The following DLG2 variants were observed in gnomAD, a reference collection of about 807,000 sequenced individuals.
DLG2 encodes discs large MAGUK scaffold protein 2.
In DLG2, 45 loss-of-function variants were observed where a neutral mutation model predicts 132.5. The observed-to-expected ratio is 0.34, with a 90% confidence interval of 0.27 to 0.44. The LOEUF (loss-of-function observed/expected upper bound fraction) is 0.44, where lower values mean the gene tolerates loss of function less well. Among genes scored for constraint, DLG2 ranks in the 20% least tolerant of loss-of-function variants. The pLI, the probability that DLG2 is intolerant of heterozygous loss-of-function variation, is 1.00. For missense variants in DLG2, 1,045 were observed against 1,196.9 expected (o/e 0.87, Z 1.87); for synonymous variants, 424 against 419.6 (o/e 1.01, Z -0.13).
chr11:85,393,497 A>G (rs968716122), intron 3 of DLG2, among the ~76,000 whole-genome samples: 2 of 152,160 alleles, frequency 1.3e-5, no homozygotes, highest in African/African-American at 2.4e-5. Context: ...AAGTCATTAT[A>G]TGAAAAAGAC....
At chr11:83,681,902 A>G (rs2153599497) in intron 18 of DLG2, 1 of 155,688 alleles carries the variant, frequency 6.4e-6, no homozygotes, top group East Asian at 1.9e-4. Context: ...CACCCAACAA[A>G]TGAAACTGAT....
At chr11:85,362,784 G>GA (rs1472684456) in intron 3 of DLG2, among the ~76,000 whole-genome samples, 1 of 151,698 alleles carries the variant, frequency 6.6e-6, no homozygotes, top group East Asian at 1.9e-4. Context: ...TTGAATAAAT[G>GA]AAAAAACAAA....
intron 18 of DLG2, among the ~76,000 whole-genome samples, chr11:83,650,095 T>C (rs1414240032): frequency 6.6e-6 from 1 of 152,194 alleles, no homozygotes. Context: ...AATGCACCCA[T>C]AAGTAGTGCC....
intron 7 of DLG2, among the ~76,000 whole-genome samples, chr11:84,503,390 T>C (rs2099227926): frequency 6.6e-6 from 1 of 152,126 alleles, no homozygotes; most frequent in East Asian, 1.9e-4. Context: ...TGCATAAAGA[T>C]CAGAACAAAT....
rs540127104 is a variant in DLG2, at chr11:84,666,385, T to C, written c.358-131654A>G. Among the ~76,000 whole-genome samples, 8 of 152,302 alleles carry C rather than the reference T, an allele frequency of 5.3e-5. No homozygotes were observed. The South Asian group carries it at 1.7e-3, about 32-fold the overall frequency. On this transcript the variant is annotated intron_variant, in intron 6 of 27. Transcript: ENST00000376104. ...TGGTCTTTGGACTGGAACTGAGACA[T>C]TGATTCTGTAGATTTTAGACTTGAC...
intron 10 of DLG2, among the ~76,000 whole-genome samples, chr11:84,095,539 G>T (rs1024589328): frequency 3.9e-5 from 6 of 152,158 alleles, no homozygotes; most frequent in Admixed American, 3.9e-4. Context: ...CAGTGTTCCT[G>T]TCACACTGAG....
chr11:83,997,121 TAAA>T lies in DLG2; in HGVS notation c.920-16482_920-16480del, dbSNP rs61167925. Among the ~76,000 whole-genome samples the T allele has an allele frequency of 6.9e-3, 1,021 of 148,824 alleles. 12 individuals carry two copies. Among genetic ancestry groups the T allele is most frequent in the African/African-American group, 0.023 (933 of 40,642 alleles). ...ACTATGTACTCACAAAAACTAAAAGTAAAAAAAAAAAAATAAAAAATAAAAATA... is the reference window on the plus strand; with the variant it reads ...ACTATGTACTCACAAAAACTAAAAGTAAAAAAAAAATAAAAAATAAAAATA... On this transcript the variant is annotated intron_variant, in intron 11 of 27. Transcript: ENST00000376104.
intron 10 of DLG2, among the ~76,000 whole-genome samples, chr11:84,077,837 A>C (rs1389730761): frequency 2.6e-5 from 4 of 152,156 alleles, no homozygotes; most frequent in Admixed American, 6.5e-5. Context: ...TTACCATGGG[A>C]AGTTTTACTT....
At chr11:84,295,195 G>A (rs779167157) in intron 7 of DLG2, among the ~76,000 whole-genome samples, 11 of 152,234 alleles carry the variant, frequency 7.2e-5, no homozygotes, top group Non-Finnish European at 1.3e-4. Flanking sequence ...ATAAATTAAG[G>A]TAAGTTACTT....
intron 10 of DLG2, among the ~76,000 whole-genome samples, chr11:84,062,307 T>G (rs1287873274): frequency 6.6e-6 from 1 of 152,144 alleles, no homozygotes; most frequent in Non-Finnish European, 1.5e-5. Flanking sequence ...CTTTTTGAAC[T>G]TCAGTATCCC....
intron 4 of DLG2, among the ~76,000 whole-genome samples, chr11:85,234,959 A>C (rs1183528981): frequency 6.6e-6 from 1 of 151,996 alleles, no homozygotes; most frequent in Non-Finnish European, 1.5e-5. Context: ...TCGTGTTACT[A>C]TATATGCATC....
chr11:83,574,830 A>C (rs641838), intron 19 of DLG2, among the ~76,000 whole-genome samples: 71,530 of 152,096 alleles, frequency 0.47, 17,468 homozygotes, highest in African/African-American at 0.57. Context: ...CACAGCTAAA[A>C]AGAAGATGCC....
chr11:83,793,937 A>C (rs893596552), intron 17 of DLG2, among the ~76,000 whole-genome samples: 1 of 152,190 alleles, frequency 6.6e-6, no homozygotes, highest in African/African-American at 2.4e-5. Context: ...GAGCCTTAGA[A>C]ACTTGTTTGT....
At position 83,511,087 on chromosome 11, in the gene DLG2, G is replaced by C. The variant is rs11233651; in HGVS notation, c.2193+21621C>G. Reference sequence around the variant, plus strand: ...TCACTTGCTCAAACACACACACACAGACACACACACACACACACACACACA... The same window carrying C: ...TCACTTGCTCAAACACACACACACACACACACACACACACACACACACACA... On this transcript the variant is annotated intron_variant, in intron 21 of 27. Transcript: ENST00000376104. 7.1e-3 allele frequency among the ~76,000 whole-genome samples: 986 copies of C among 138,476 alleles called. 19 individuals carry two copies. Among genetic ancestry groups the C allele is most frequent in the African/African-American group, 0.024 (886 of 37,134 alleles). The allele number at this position is 138,476 out of a possible 152,430, so 90.8% of individuals were successfully genotyped here.
chr11:84,110,603 A>T (rs908474598), intron 9 of DLG2, among the ~76,000 whole-genome samples: 1 of 152,150 alleles, frequency 6.6e-6, no homozygotes, highest in African/African-American at 2.4e-5. Flanking sequence ...AAAGAGGAGA[A>T]CAGAAAGAAG....
intron 11 of DLG2, among the ~76,000 whole-genome samples, chr11:84,039,264 A>G (rs1395540167): frequency 6.7e-6 from 1 of 149,824 alleles, no homozygotes; most frequent in Non-Finnish European, 1.5e-5. Context: ...ACATGTGCAC[A>G]TTGTGCAGGT....
chr11:84,566,786 C>T (rs777543327), intron 6 of DLG2, among the ~76,000 whole-genome samples: 10 of 152,176 alleles, frequency 6.6e-5, no homozygotes, highest in Non-Finnish European at 1.3e-4. Flanking sequence ...AACCTTGTTC[C>T]ACTTTGAAGT....
chr11:83,553,533 C>G (rs1025579430), intron 19 of DLG2, among the ~76,000 whole-genome samples: 36 of 125,778 alleles, frequency 2.9e-4, no homozygotes, highest in African/African-American at 1.3e-3. Flanking sequence ...TGTGTGTTTG[C>G]TGCTGCTGCT....
intron 6 of DLG2, among the ~76,000 whole-genome samples, chr11:84,859,567 G>C (rs935490413): frequency 2.0e-5 from 3 of 150,818 alleles, no homozygotes. Flanking sequence ...AGTAATGTTA[G>C]AAGATCAAAG....
Sources: gnomAD v4.1 joint callset for allele counts (sites outside exome capture counted in the v4.1 genomes callset) on GRCh38, gnomAD v4.1.1 for gene constraint, MANE v1.5 for transcripts, NCBI Gene and HGNC (gene_info 2026-07-23, HGNC 2026-07-21) for gene names.